The following SRC variants were observed in gnomAD, a reference collection of about 807,000 sequenced individuals.
SRC encodes the protein SRC proto-oncogene, non-receptor tyrosine kinase, also known as proto-oncogene tyrosine-protein kinase Src.
A neutral mutation model predicts 62.9 loss-of-function variants in SRC; 13 were observed. That is an observed-to-expected ratio of 0.21 (90% CI 0.13 to 0.33). SRC has a LOEUF of 0.33. Among genes scored for constraint, SRC ranks in the 10% least tolerant of loss-of-function variants. SRC has a pLI of 1.00. For synonymous variants in SRC, 302 were observed against 317.5 expected, an observed-to-expected ratio of 0.95 and a Z score of 0.52; for missense variants, 457 against 737.3, an observed-to-expected ratio of 0.62 and a Z score of 4.40.
intron 7 of SRC, among the ~76,000 whole-genome samples, chr20:37,395,960 C>T (rs969059596): frequency 2.6e-5 from 4 of 152,214 alleles, no homozygotes; most frequent in Non-Finnish European, 2.9e-5. Context: ...CGTGGCAGGA[C>T]GTACTAATCA....
At position 37,403,940 on chromosome 20, in the gene SRC, G is replaced by A; in HGVS notation, c.*561G>A. On this transcript the variant is annotated 3_prime_UTR_variant, in exon 14 of 14. Coordinates refer to ENST00000373578, the MANE Select transcript of SRC (RefSeq NM_198291.3). The surrounding 1 kb of genome is among the most constrained non-coding windows in gnomAD (Gnocchi z 7.1). Reference sequence around the variant, plus strand: ...GGCTGGGCAGCACAAGGCCTTGCCTGGCCTGATGATGGTGGGTGGGTGGGA... The same window carrying A: ...GGCTGGGCAGCACAAGGCCTTGCCTAGCCTGATGATGGTGGGTGGGTGGGA... 2 of 239,324 alleles carry A rather than the reference G, an allele frequency of 8.4e-6. No individual in the cohort carries two copies. 14.8% of individuals were successfully genotyped at this position (239,324 alleles called of 1,614,324 possible).
At position 37,397,748 on chromosome 20, in the gene SRC, C is replaced by G; in HGVS notation, c.753C>G (p.Ser251=). The change falls in exon 9 of 14, where the codon TCC becomes TCG. Residue 251 remains serine, a synonymous_variant. Coordinates refer to ENST00000373578, the MANE Select transcript of SRC (RefSeq NM_198291.3). This position sits in a 1 kb window ranked among gnomAD's most constrained non-coding sequence, Gnocchi z 4.1. The part of the protein sequence containing the change: ...CHRLTTVCPT[S]KPQTQGLAKD... ...GCCTCACCACCGTGTGCCCCACGTCCAAGCCGCAGACTCAGGGCCTGGCCA... is the reference window on the plus strand; with the variant it reads ...GCCTCACCACCGTGTGCCCCACGTCGAAGCCGCAGACTCAGGGCCTGGCCA... 1 of 1,609,700 alleles carries G rather than the reference C, an allele frequency of 6.2e-7. No homozygotes were observed. The highest frequency in any genetic ancestry group is 1.1e-5 in the South Asian group (1 of 90,534).
At chr20:37,371,796 G>T (rs953507267) in intron 2 of SRC, among the ~76,000 whole-genome samples, 12 of 152,132 alleles carry the variant, frequency 7.9e-5, no homozygotes, top group African/African-American at 2.2e-4. Context: ...CCACCTCCCA[G>T]GTTCAAGCAA....
chr20:37,394,025 C>T (rs373469241), intron 6 of SRC, 32 bp downstream of exon 6: 10 of 1,601,850 alleles, frequency 6.2e-6, no homozygotes, highest in South Asian at 5.5e-5. Flanking sequence ...CTCTACCCGT[C>T]GTCCCTGGAC....
intron 5 of SRC, 128 bp from the exon 6 acceptor site, chr20:37,393,766 GC>G: frequency 1.5e-6 from 1 of 660,690 alleles, no homozygotes; most frequent in Non-Finnish European, 2.7e-6. Context: ...ACTCACGCTG[GC>G]CCCACCACCT....
chr20:37,363,115 C>G (rs1440173631), intron 1 of SRC, among the ~76,000 whole-genome samples: 1 of 152,208 alleles, frequency 6.6e-6, no homozygotes, highest in Admixed American at 6.5e-5. Flanking sequence ...TCTCCTCTTG[C>G]CCCTCTGGCC....
chr20:37,357,736 A>G (rs1238990542), intron 1 of SRC, among the ~76,000 whole-genome samples: 2 of 152,230 alleles, frequency 1.3e-5, no homozygotes, highest in African/African-American at 4.8e-5. Flanking sequence ...CTTGGAGAGC[A>G]GAGTTGGCTG....
Position 37,384,518 on chromosome 20 carries a change from A to ACCCCTG in SRC, c.250+115_250+116insCCCCTG. 1 of 906,564 alleles carries ACCCCTG rather than the reference A, an allele frequency of 1.1e-6. No homozygotes were observed. The highest frequency in any genetic ancestry group is 1.4e-6 in the Non-Finnish European group (1 of 718,458). 56.2% of individuals were successfully genotyped at this position (906,564 alleles called of 1,614,324 possible). A position where few individuals can be genotyped will look rare whatever the true frequency, so the allele number is the denominator to read the frequency against. ...GCAGGCCCTTCCTCTCGCCAGGGGT[A>ACCCCTG]GCGCCCCTGGGTGACTTGGGTGTCC... On this transcript the variant is annotated intron_variant, in intron 4 of 13. Transcript: ENST00000373578. This position sits in a 1 kb window ranked among gnomAD's most constrained non-coding sequence, Gnocchi z 6.7.
chr20:37,357,440 G>C (rs2069900781), intron 1 of SRC, among the ~76,000 whole-genome samples: 1 of 152,196 alleles, frequency 6.6e-6, no homozygotes, highest in Non-Finnish European at 1.5e-5. Flanking sequence ...TCCATGATCA[G>C]GTACTCACTC....
intron 5 of SRC, among the ~76,000 whole-genome samples, chr20:37,389,561 C>T (rs2070512801): frequency 6.6e-6 from 1 of 152,194 alleles, no homozygotes; most frequent in South Asian, 2.1e-4. Context: ...TGGCCACTGC[C>T]CACCTGGCCA....
At chr20:37,373,265 TACGCACAC>T (rs1303535415) in intron 2 of SRC, among the ~76,000 whole-genome samples, 1 of 94,992 alleles carries the variant, frequency 1.1e-5, no homozygotes, top group Admixed American at 1.0e-4. Flanking sequence ...CACATGTACA[TACGCACAC>T]ACACACACAC....
chr20:37,387,803 C>T (rs1359017464), intron 5 of SRC, among the ~76,000 whole-genome samples: 3 of 152,212 alleles, frequency 2.0e-5, no homozygotes, highest in Non-Finnish European at 4.4e-5. Context: ...ACAATGTCAC[C>T]ATTTCTTGTG....
chr20:37,384,048 C>T lies in SRC; in HGVS notation c.-4-102C>T, dbSNP rs2147048445. On this transcript the variant is annotated intron_variant, in intron 3 of 13. Coordinates refer to ENST00000373578, the MANE Select transcript of SRC (RefSeq NM_198291.3). The surrounding 1 kb of genome is among the most constrained non-coding windows in gnomAD (Gnocchi z 6.7). ...ACCGCGCCCGGCCCTGCTGCCTCTC[C>T]TTGGGCCTCGTTTTCCCTATCTGTG... The T allele has an allele frequency of 6.6e-7, 1 of 1,506,246 alleles. No individual in the cohort carries two copies. Among genetic ancestry groups the T allele is most frequent in the Admixed American group, 2.1e-5 (1 of 48,256 alleles). 93.3% of individuals were successfully genotyped at this position (1,506,246 alleles called of 1,614,324 possible).
chr20:37,400,395 G>A, intron 10 of SRC, 101 bp downstream of exon 10: 1 of 1,107,840 alleles, frequency 9.0e-7, no homozygotes, highest in Non-Finnish European at 1.2e-6. Flanking sequence ...ATCTTCAAAG[G>A]TGGAATGCAG....
chr20:37,369,304 C>T (rs1253807851), intron 2 of SRC, among the ~76,000 whole-genome samples: 1 of 152,154 alleles, frequency 6.6e-6, no homozygotes, highest in Admixed American at 6.6e-5. Context: ...GCCATGAACA[C>T]GGGATGTCTT....
intron 2 of SRC, among the ~76,000 whole-genome samples, chr20:37,368,020 T>G (rs1356197098): frequency 6.6e-6 from 1 of 152,214 alleles, no homozygotes; most frequent in Admixed American, 6.5e-5. Context: ...GGGTTGTACT[T>G]TTATTTTCTT....
chr20:37,387,805 T>C (rs976977066), intron 5 of SRC, among the ~76,000 whole-genome samples: 5 of 152,152 alleles, frequency 3.3e-5, no homozygotes, highest in African/African-American at 4.8e-5. Context: ...AATGTCACCA[T>C]TTCTTGTGCT....
chr20:37,344,860 T>A (rs905872438), upstream of SRC: 1 of 152,340 alleles, frequency 6.6e-6, no homozygotes, highest in Non-Finnish European at 1.5e-5. Context: ...AGGAATCTTC[T>A]GTGGCCATGT....
At chr20:37,362,278 C>A (rs2069986949) in intron 1 of SRC, among the ~76,000 whole-genome samples, 1 of 151,694 alleles carries the variant, frequency 6.6e-6, no homozygotes, top group East Asian at 1.9e-4. Flanking sequence ...CCAGGCTGGT[C>A]TCAAACTCTT....
Sources: allele counts gnomAD v4.1 joint callset (sites outside exome capture counted in the v4.1 genomes callset), GRCh38; gene constraint gnomAD v4.1.1; non-coding constraint Gnocchi (gnomAD v3.1); transcripts MANE v1.5; gene names NCBI Gene and HGNC (gene_info 2026-07-23, HGNC 2026-07-21).